Variants in RERG observed in about 807,000 individuals in gnomAD.
RERG encodes the protein ras-related and estrogen-regulated growth inhibitor.
A neutral mutation model predicts 23.2 loss-of-function variants in RERG; 25 were observed. That is an observed-to-expected ratio of 1.08 (90% confidence interval 0.79 to 1.50). The LOEUF (loss-of-function observed/expected upper bound fraction) is 1.50. Among genes scored for constraint, RERG ranks in the 40% most tolerant of loss-of-function variants. The probability of loss-of-function intolerance (pLI) is 0.00; values close to 1 mark genes in which losing one functional copy is unlikely to be tolerated. For missense variants in RERG, 253 were observed against 250.1 expected (o/e 1.01, Z -0.08); for synonymous variants, 81 against 89.1 (o/e 0.91, Z 0.51).
At chr12:15,209,673 T>C (rs1175608113) in intron 2 of RERG, among the ~76,000 whole-genome samples, 1 of 152,234 alleles carries the variant, frequency 6.6e-6, no homozygotes, top group Non-Finnish European at 1.5e-5. Flanking sequence ...TATTGGTTAC[T>C]GTGAATTTCT....
intron 2 of RERG, among the ~76,000 whole-genome samples, chr12:15,145,324 G>C (rs935134373): frequency 6.6e-6 from 1 of 152,262 alleles, no homozygotes; most frequent in Non-Finnish European, 1.5e-5. Context: ...AGAAGAGAGA[G>C]ACAGAGCAAT....
chr12:15,181,822 C>T (rs1430949862), intron 2 of RERG, among the ~76,000 whole-genome samples: 1 of 152,076 alleles, frequency 6.6e-6, no homozygotes, highest in Non-Finnish European at 1.5e-5. Context: ...GAAGTGAGGT[C>T]ACACATAGAA....
Position 15,123,497 on chromosome 12 carries a change from A to G in RERG, c.62-2378T>C, listed in dbSNP as rs1863876175. On this transcript the variant is annotated intron_variant, in intron 2 of 4. Transcript: ENST00000256953. The stretch of plus-strand genomic sequence containing the variant: ...TATATATTATTATATAAATATATAT[A>G]TATTCAAAACAGTTGTTTAATGTAT... 5.5e-5 allele frequency among the ~76,000 whole-genome samples: 8 copies of G among 144,164 alleles called. No homozygotes were observed. The South Asian group carries it at 1.5e-3, about 28-fold the overall frequency. The allele number at this position is 144,164 out of a possible 152,430, so 94.6% of individuals were successfully genotyped here. A position where few individuals can be genotyped will look rare whatever the true frequency, so the allele number is the denominator to read the frequency against.
At chr12:15,196,982 T>C (rs1865153947) in intron 2 of RERG, among the ~76,000 whole-genome samples, 1 of 152,170 alleles carries the variant, frequency 6.6e-6, no homozygotes, top group South Asian at 2.1e-4. Flanking sequence ...GGTCCTGGGC[T>C]TCAGTTTCAT....
At position 15,121,048 on chromosome 12, in the gene RERG, C is replaced by T; in HGVS notation, c.118+15G>A. The T allele has an allele frequency of 6.2e-7, 1 of 1,600,214 alleles. No homozygotes were observed. The highest frequency in any genetic ancestry group is 8.6e-7 in the Non-Finnish European group (1 of 1,167,954). On this transcript the variant is annotated intron_variant, in intron 3 of 4. Coordinates refer to ENST00000256953, the MANE Select transcript of RERG (RefSeq NM_032918.3). ...ATTTTTATTGAAGAGGAGAAGGAAA[C>T]AAAATTTGACCTACCGAGGGTGGGA...
intron 2 of RERG, among the ~76,000 whole-genome samples, chr12:15,212,527 G>A (rs1240468944): frequency 3.3e-4 from 50 of 152,062 alleles, no homozygotes; most frequent in Admixed American, 3.3e-3. Context: ...ATTATGAGAT[G>A]CTTACACATC....
chr12:15,212,746 TTA>T (rs959119706), intron 2 of RERG, among the ~76,000 whole-genome samples: 51 of 152,278 alleles, frequency 3.3e-4, no homozygotes, highest in African/African-American at 1.1e-3. Context: ...TGTTTTTTTA[TTA>T]TATATATGTG....
chr12:15,177,973 A>T (rs1456435473), intron 2 of RERG, among the ~76,000 whole-genome samples: 2 of 151,780 alleles, frequency 1.3e-5, no homozygotes, highest in Non-Finnish European at 2.9e-5. Context: ...CTGGATGCAT[A>T]TATTTACATA....
chr12:15,116,883 C>CT (rs1863730913), intron 3 of RERG, among the ~76,000 whole-genome samples: 1 of 151,940 alleles, frequency 6.6e-6, no homozygotes, highest in South Asian at 2.1e-4. Context: ...TAAATTGAGC[C>CT]TTTTTTGGTG....
At chr12:15,168,927 A>C (rs2136120229) in intron 2 of RERG, among the ~76,000 whole-genome samples, 1 of 152,348 alleles carries the variant, frequency 6.6e-6, no homozygotes, top group East Asian at 1.9e-4. Flanking sequence ...AACCAGATTT[A>C]AAGAAATAAG....
intron 2 of RERG, among the ~76,000 whole-genome samples, chr12:15,133,433 T>A (rs1166015737): frequency 6.6e-6 from 1 of 152,046 alleles, no homozygotes; most frequent in Non-Finnish European, 1.5e-5. Flanking sequence ...TCCTTTCTGT[T>A]TAGTGCTGAA....
intron 2 of RERG, among the ~76,000 whole-genome samples, chr12:15,147,435 AATAAAG>A (rs2136105404): frequency 6.6e-6 from 1 of 152,352 alleles, no homozygotes; most frequent in East Asian, 1.9e-4. Context: ...AAACAATCTG[AATAAAG>A]ATAGAGAAAA....
chr12:15,219,296 G>A (rs1865484182), intron 1 of RERG, among the ~76,000 whole-genome samples: 1 of 152,156 alleles, frequency 6.6e-6, no homozygotes, highest in African/African-American at 2.4e-5. Context: ...TTTCTACAAA[G>A]ACATTATCAT....
chr12:15,141,569 T>A (rs1447397040), intron 2 of RERG, among the ~76,000 whole-genome samples: 1 of 152,216 alleles, frequency 6.6e-6, no homozygotes, highest in African/African-American at 2.4e-5. Flanking sequence ...TTAGAGAACA[T>A]TTCACAGTCC....
At chr12:15,162,373 A>G (rs144325724) in intron 2 of RERG, among the ~76,000 whole-genome samples, 1,725 of 152,344 alleles carry the variant, frequency 0.011, 29 homozygotes, top group African/African-American at 0.04. Flanking sequence ...TCCTCCAGCT[A>G]AGAGGACTGG....
intron 2 of RERG, among the ~76,000 whole-genome samples, chr12:15,196,858 T>C (rs2136138322): frequency 6.6e-6 from 1 of 152,246 alleles, no homozygotes; most frequent in African/African-American, 2.4e-5. Flanking sequence ...CTGCTGACAC[T>C]GAAACGAAAC....
chr12:15,183,606 T>C (rs1414918673), intron 2 of RERG, among the ~76,000 whole-genome samples: 3 of 152,176 alleles, frequency 2.0e-5, no homozygotes, highest in African/African-American at 7.2e-5. Flanking sequence ...TTATGTAAAG[T>C]TTTATGCTTA....
At chr12:15,123,655 CATT>C (rs1401262547) in intron 2 of RERG, among the ~76,000 whole-genome samples, 36 of 135,314 alleles carry the variant, frequency 2.7e-4, no homozygotes, top group African/African-American at 8.8e-4. Context: ...AAGTTTATTA[CATT>C]ATTAATACAT....
intron 2 of RERG, among the ~76,000 whole-genome samples, chr12:15,146,084 T>C (rs1864327553): frequency 1.3e-5 from 2 of 152,208 alleles, no homozygotes; most frequent in South Asian, 2.1e-4. Context: ...TTATTCTCTT[T>C]AGAATCTCAA....
Sources: allele counts gnomAD v4.1 joint callset (sites outside exome capture counted in the v4.1 genomes callset), GRCh38; gene constraint gnomAD v4.1.1; transcripts MANE v1.5; gene names NCBI Gene and HGNC (gene_info 2026-07-23, HGNC 2026-07-21).